SAMD5: variants seen among roughly 807,000 people sequenced by gnomAD.
SAMD5 encodes the protein sterile alpha motif domain containing 5.
In SAMD5, 13 loss-of-function variants were observed where a neutral mutation model predicts 11.3. The observed-to-expected ratio is 1.15, with a 90% CI of 0.75 to 1.83. SAMD5 has a LOEUF of 1.83. SAMD5 is among the 40% of genes most tolerant of loss of function. The pLI, the probability that SAMD5 is intolerant of heterozygous loss-of-function variation, is 0.00. For synonymous variants in SAMD5, 129 were observed against 111.3 expected, an observed-to-expected ratio of 1.16 and a Z score of -1.00; for missense variants, 255 against 239.1, an observed-to-expected ratio of 1.07 and a Z score of -0.44.
intron 1 of SAMD5, among the ~76,000 whole-genome samples, chr6:147,606,963 CA>C (rs11377845): frequency 8.9e-4 from 117 of 131,310 alleles, no homozygotes; most frequent in African/African-American, 1.7e-3. Flanking sequence ...CAGCTTTATC[CA>C]AAAAAAAAAA....
At chr6:147,767,430 C>T in the SAMD5 span, among the ~76,000 whole-genome samples, 2 of 150,400 alleles carry the variant, frequency 1.3e-5, no homozygotes, top group Non-Finnish European at 2.9e-5. Flanking sequence ...TTGGAGCTGA[C>T]CAAAGGAGAT....
At chr6:147,935,003 T>G in the SAMD5 span, among the ~76,000 whole-genome samples, 1 of 152,150 alleles carries the variant, frequency 6.6e-6, no homozygotes, top group Non-Finnish European at 1.5e-5. Flanking sequence ...GGACTAAACA[T>G]GGATGCCAAG....
chr6:147,717,737 G>A (rs1791488700), intron 1 of SAMD5, among the ~76,000 whole-genome samples: 1 of 152,290 alleles, frequency 6.6e-6, no homozygotes, highest in South Asian at 2.1e-4. Context: ...AGCTACTTGG[G>A]AGGCTGAGGC....
chr6:147,618,279 G>A (rs1305250293), intron 1 of SAMD5, among the ~76,000 whole-genome samples: 1 of 152,194 alleles, frequency 6.6e-6, no homozygotes. Context: ...TTGGAGGAAG[G>A]ATAAGAACAG....
the SAMD5 span, among the ~76,000 whole-genome samples, chr6:147,929,691 G>A: frequency 1.3e-5 from 2 of 152,276 alleles, no homozygotes; most frequent in East Asian, 3.9e-4. Flanking sequence ...ATGCAGTTGG[G>A]TTATGTTGGC....
the SAMD5 span, among the ~76,000 whole-genome samples, chr6:147,850,360 A>G: frequency 2.6e-5 from 4 of 152,318 alleles, 1 homozygote; most frequent in Non-Finnish European, 4.4e-5. Context: ...TGGTTTTTAA[A>G]TTAACCGGCA....
the SAMD5 span, among the ~76,000 whole-genome samples, chr6:147,793,264 A>C: frequency 1.3e-5 from 2 of 152,146 alleles, no homozygotes; most frequent in Non-Finnish European, 2.9e-5. Flanking sequence ...TTTAACCATG[A>C]GAAAAACATC....
chr6:147,854,188 A>G, the SAMD5 span, among the ~76,000 whole-genome samples: 1 of 152,150 alleles, frequency 6.6e-6, no homozygotes. Flanking sequence ...AATTTCCCAG[A>G]GGTTGAAGAA....
chr6:147,809,884 C>G, the SAMD5 span, among the ~76,000 whole-genome samples: 867 of 152,290 alleles, frequency 5.7e-3, 7 homozygotes, highest in African/African-American at 0.02. Flanking sequence ...TGCCAAATGT[C>G]CCCTGGGGGC....
intron 1 of SAMD5, among the ~76,000 whole-genome samples, chr6:147,656,587 G>A (rs1790571243): frequency 6.6e-6 from 1 of 152,124 alleles, no homozygotes; most frequent in Non-Finnish European, 1.5e-5. Context: ...AAGCAAGAAT[G>A]CACAGAAAGA....
the SAMD5 span, among the ~76,000 whole-genome samples, chr6:147,899,088 G>A: frequency 6.7e-6 from 1 of 149,590 alleles, no homozygotes; most frequent in South Asian, 2.1e-4. Context: ...GGAGAATGGC[G>A]TGAATCTGGG....
chr6:147,835,239 A>AAAAAAAC, the SAMD5 span, among the ~76,000 whole-genome samples: 1 of 150,600 alleles, frequency 6.6e-6, no homozygotes, highest in Non-Finnish European at 1.5e-5. Context: ...TCTTAAAAAA[A>AAAAAAAC]AAAAAAACAA....
At chr6:147,601,928 C>T (rs1226180087) in intron 1 of SAMD5, among the ~76,000 whole-genome samples, 1 of 152,184 alleles carries the variant, frequency 6.6e-6, no homozygotes, top group Non-Finnish European at 1.5e-5. Flanking sequence ...TTGCCTCCTT[C>T]ACTTGAATTA....
the SAMD5 span, among the ~76,000 whole-genome samples, chr6:147,847,974 G>A: frequency 1.3e-5 from 2 of 152,220 alleles, no homozygotes; most frequent in African/African-American, 4.8e-5. Context: ...CTCTATAAGA[G>A]AGGAAGCAGG....
chr6:147,791,063 G>A, the SAMD5 span, among the ~76,000 whole-genome samples: 1 of 152,116 alleles, frequency 6.6e-6, no homozygotes, highest in South Asian at 2.1e-4. Context: ...GGGAGGCTGG[G>A]GTGGGCGGAT....
At chr6:147,590,097 T>C (rs1307807249) in intron 1 of SAMD5, among the ~76,000 whole-genome samples, 1 of 152,162 alleles carries the variant, frequency 6.6e-6, no homozygotes, top group Non-Finnish European at 1.5e-5. Context: ...ATTCACTTAC[T>C]CTTAAAGGGT....
the SAMD5 span, among the ~76,000 whole-genome samples, chr6:147,774,914 A>C: frequency 6.6e-6 from 1 of 152,138 alleles, no homozygotes. Flanking sequence ...AATAACATGC[A>C]AAGGCATAGA....
the SAMD5 span, among the ~76,000 whole-genome samples, chr6:147,886,923 A>G: frequency 6.6e-6 from 1 of 152,198 alleles, no homozygotes; most frequent in African/African-American, 2.4e-5. Context: ...GAGCTTGGAA[A>G]TGGATTCTTT....
the SAMD5 span, among the ~76,000 whole-genome samples, chr6:147,759,104 C>A: frequency 5.9e-5 from 9 of 152,128 alleles, no homozygotes; most frequent in African/African-American, 2.2e-4. Context: ...TCATATTAGC[C>A]GTATGTTGTG....
Sources: gnomAD v4.1 joint callset for allele counts (sites outside exome capture counted in the v4.1 genomes callset) on GRCh38, gnomAD v4.1.1 for gene constraint, MANE v1.5 for transcripts, NCBI Gene and HGNC (gene_info 2026-07-23, HGNC 2026-07-21) for gene names.